The following CNTNAP2 variants were observed in gnomAD, a reference collection of about 807,000 sequenced individuals.
CNTNAP2 encodes the protein contactin associated protein 2.
In CNTNAP2, 98 loss-of-function variants were observed where a neutral mutation model predicts 155.2. That is an observed-to-expected ratio of 0.63 (90% CI 0.54 to 0.75). The LOEUF is 0.75. CNTNAP2 is among the 30% of genes least tolerant of loss of function. CNTNAP2 has a pLI of 0.00. For missense variants in CNTNAP2, 1,727 were observed against 1,688.1 expected, an observed-to-expected ratio of 1.02 and a Z score of -0.40; for synonymous variants, 651 against 631.2, an observed-to-expected ratio of 1.03 and a Z score of -0.47.
chr7:146,257,706 G>C (rs1368821528), intron 1 of CNTNAP2, among the ~76,000 whole-genome samples: 1 of 152,162 alleles, frequency 6.6e-6, no homozygotes, highest in African/African-American at 2.4e-5. Context: ...GCTGTGTTAA[G>C]ACACAGATTG....
At position 146,219,257 on chromosome 7, in the gene CNTNAP2, G is replaced by C. The variant is rs1205283316; in HGVS notation, c.97+102284G>C. On this transcript the variant is annotated intron_variant, in intron 1 of 23. Coordinates refer to ENST00000361727, the MANE Select transcript of CNTNAP2 (RefSeq NM_014141.6). ...GGGATTACAATTTGAGATGAGATTTGAGTGGAGACATAGCCAAACCATATC... is the reference window on the plus strand; with the variant it reads ...GGGATTACAATTTGAGATGAGATTTCAGTGGAGACATAGCCAAACCATATC... Among the ~76,000 whole-genome samples the C allele has an allele frequency of 2.6e-5, 4 of 152,274 alleles. No individual in the cohort carries two copies. The East Asian group carries it at 7.7e-4, about 29-fold the overall frequency.
chr7:147,920,746 G>A (rs778895993), intron 14 of CNTNAP2, among the ~76,000 whole-genome samples: 45 of 150,748 alleles, frequency 3.0e-4, no homozygotes, highest in Non-Finnish European at 5.6e-4. Flanking sequence ...ACAGATTTAA[G>A]AATGTGTCTT....
At chr7:147,459,148 CAACT>C (rs1341209290) in intron 10 of CNTNAP2, among the ~76,000 whole-genome samples, 8 of 152,304 alleles carry the variant, frequency 5.3e-5, no homozygotes, top group Middle Eastern at 6.8e-3. Flanking sequence ...ATGGCTAATG[CAACT>C]AACTAAGGAA....
intron 1 of CNTNAP2, among the ~76,000 whole-genome samples, chr7:146,573,495 A>G (rs1448741806): frequency 6.6e-6 from 1 of 152,070 alleles, no homozygotes; most frequent in African/African-American, 2.4e-5. Flanking sequence ...AGCTGGAGGG[A>G]TGACAGAAAC....
At chr7:147,325,241 A>T (rs1795431235) in intron 9 of CNTNAP2, among the ~76,000 whole-genome samples, 1 of 152,206 alleles carries the variant, frequency 6.6e-6, no homozygotes, top group Non-Finnish European at 1.5e-5. Context: ...TGGAGGTTGC[A>T]GTGAGCCGAG....
chr7:147,033,477 T>C (rs1410868844), intron 3 of CNTNAP2, among the ~76,000 whole-genome samples: 1 of 151,974 alleles, frequency 6.6e-6, no homozygotes, highest in African/African-American at 2.4e-5. Flanking sequence ...GGTGTCTTTT[T>C]GAGTCAGTCT....
At chr7:146,576,436 G>T (rs1354088962) in intron 1 of CNTNAP2, among the ~76,000 whole-genome samples, 3 of 152,172 alleles carry the variant, frequency 2.0e-5, no homozygotes, top group Non-Finnish European at 4.4e-5. Context: ...GAGAGCCCAT[G>T]GAGAAGAACC....
intron 20 of CNTNAP2, among the ~76,000 whole-genome samples, chr7:148,243,133 C>A (rs1270409567): frequency 6.6e-6 from 1 of 152,184 alleles, no homozygotes; most frequent in African/African-American, 2.4e-5. Flanking sequence ...CTGATATTGT[C>A]ACCCAGGGCC....
At chr7:147,147,646 GTTCCTCCTC>G (rs1563093481) in intron 8 of CNTNAP2, among the ~76,000 whole-genome samples, 1 of 152,058 alleles carries the variant, frequency 6.6e-6, no homozygotes, top group Non-Finnish European at 1.5e-5. Context: ...CAGCTTAGAA[GTTCCTCCTC>G]CTCATCATGT....
intron 10 of CNTNAP2, among the ~76,000 whole-genome samples, chr7:147,406,199 G>A (rs201367566): frequency 2.2e-5 from 2 of 89,562 alleles, no homozygotes. Flanking sequence ...AAAAGAAAAG[G>A]AAAGGAGAGG....
chr7:147,728,478 C>T (rs900585317), intron 13 of CNTNAP2, among the ~76,000 whole-genome samples: 32 of 152,048 alleles, frequency 2.1e-4, no homozygotes, highest in Middle Eastern at 3.4e-3. Context: ...ATTTAGCGCC[C>T]AGAAATATCA....
At chr7:147,435,814 G>C (rs897393667) in intron 10 of CNTNAP2, among the ~76,000 whole-genome samples, 15 of 152,082 alleles carry the variant, frequency 9.9e-5, no homozygotes, top group African/African-American at 3.4e-4. Context: ...AGGAATAATA[G>C]CACCTATTGC....
chr7:147,414,769 G>A (rs1249600662), intron 10 of CNTNAP2, among the ~76,000 whole-genome samples: 12 of 151,604 alleles, frequency 7.9e-5, no homozygotes, highest in African/African-American at 2.2e-4. Flanking sequence ...GTGAAACCCC[G>A]TCTCTACTAA....
intron 1 of CNTNAP2, among the ~76,000 whole-genome samples, chr7:146,521,941 T>C (rs1797622085): frequency 6.6e-6 from 1 of 152,052 alleles, no homozygotes; most frequent in South Asian, 2.1e-4. Context: ...TTCTCAGTAA[T>C]TGTAAAACAC....
At chr7:147,871,118 T>C (rs1799319825) in intron 13 of CNTNAP2, among the ~76,000 whole-genome samples, 1 of 152,212 alleles carries the variant, frequency 6.6e-6, no homozygotes, top group Admixed American at 6.5e-5. Context: ...TTGAGCAGTT[T>C]GGTAATATTT....
chr7:146,744,058 C>T (rs1344234611), intron 1 of CNTNAP2, among the ~76,000 whole-genome samples: 5 of 151,590 alleles, frequency 3.3e-5, no homozygotes, highest in African/African-American at 7.3e-5. Context: ...GAAACTCTGT[C>T]GCTACTAAAA....
At chr7:146,299,760 C>T (rs1800575486) in intron 1 of CNTNAP2, among the ~76,000 whole-genome samples, 1 of 152,018 alleles carries the variant, frequency 6.6e-6, no homozygotes. Flanking sequence ...TATGTGAAAC[C>T]TTCAGGAATG....
intron 15 of CNTNAP2, among the ~76,000 whole-genome samples, chr7:148,007,071 T>C (rs1801996009): frequency 6.6e-6 from 1 of 152,202 alleles, no homozygotes; most frequent in African/African-American, 2.4e-5. Context: ...GCCAAACAAT[T>C]CAGCAGCTCT....
chr7:146,777,973 G>GA lies in CNTNAP2; in HGVS notation c.208+3598dup, dbSNP rs1324141752. Among the ~76,000 whole-genome samples, 6 of 151,750 alleles carry GA rather than the reference G, an allele frequency of 4.0e-5. No homozygotes were observed. The East Asian group carries it at 5.8e-4, about 15-fold the overall frequency. ...TAAAGAAGACAGACAATTCCAAGCAGAAAAAATATATGAACATTATAGAAT... is the reference window on the plus strand; with the variant it reads ...TAAAGAAGACAGACAATTCCAAGCAGAAAAAAATATATGAACATTATAGAAT... On this transcript the variant is annotated intron_variant, in intron 2 of 23. Coordinates refer to ENST00000361727, the MANE Select transcript of CNTNAP2 (RefSeq NM_014141.6).
Sources: gnomAD v4.1 joint callset for allele counts (sites outside exome capture counted in the v4.1 genomes callset) on GRCh38, gnomAD v4.1.1 for gene constraint, MANE v1.5 for transcripts, NCBI Gene and HGNC (gene_info 2026-07-23, HGNC 2026-07-21) for gene names.